Variants in GATB observed in about 807,000 individuals in gnomAD.
GATB encodes the protein glutamyl-tRNA(Gln) amidotransferase subunit B, mitochondrial.
In GATB, 39 loss-of-function variants were observed where a neutral mutation model predicts 62.3. That is an observed-to-expected ratio of 0.63 (90% CI 0.48 to 0.82). GATB has a LOEUF of 0.82. GATB is among the 40% of genes least tolerant of loss of function. The pLI, the probability that GATB is intolerant of heterozygous loss-of-function variation, is 0.00. For missense variants in GATB, 670 were observed against 684.0 expected (o/e 0.98, Z 0.23); for synonymous variants, 276 against 258.9 (o/e 1.07, Z -0.63).
intron 2 of GATB, among the ~76,000 whole-genome samples, chr4:151,744,070 A>G (rs944556417): frequency 2.0e-5 from 3 of 152,226 alleles, no homozygotes; most frequent in African/African-American, 7.2e-5. Context: ...ACACACCTCA[A>G]TAGACCTTGA....
intron 2 of GATB, chr4:151,721,165 G>A (rs1739023908): frequency 6.6e-6 from 1 of 152,256 alleles, no homozygotes; most frequent in Non-Finnish European, 1.5e-5. Context: ...TTGAACCCGG[G>A]AGGTGGAGGT....
chr4:151,751,549 A>G (rs1362242629), intron 2 of GATB, among the ~76,000 whole-genome samples: 4 of 152,254 alleles, frequency 2.6e-5, no homozygotes. Flanking sequence ...TACTTAGGTT[A>G]CTTTTTTCTT....
intron 1 of GATB, among the ~76,000 whole-genome samples, chr4:151,759,281 T>A (rs72962977): frequency 0.014 from 2,081 of 152,282 alleles, 53 homozygotes; most frequent in African/African-American, 0.048. Context: ...TTTAACAAAT[T>A]AACTGTAACT....
chr4:151,726,127 A>G (rs535739771), intron 2 of GATB, among the ~76,000 whole-genome samples: 1 of 152,382 alleles, frequency 6.6e-6, no homozygotes, highest in South Asian at 2.1e-4. Flanking sequence ...AGCATGGTAA[A>G]TGCTTTAATT....
intron 2 of GATB, among the ~76,000 whole-genome samples, chr4:151,726,386 G>C (rs1424453367): frequency 6.6e-6 from 1 of 152,126 alleles, no homozygotes; most frequent in Non-Finnish European, 1.5e-5. Flanking sequence ...AACCTCTTGT[G>C]CTATAATAAT....
At chr4:151,688,193 C>A (rs1738290694) in intron 10 of GATB, among the ~76,000 whole-genome samples, 1 of 152,122 alleles carries the variant, frequency 6.6e-6, no homozygotes, top group Admixed American at 6.5e-5. Context: ...TCCCCTAATG[C>A]TTCAGGGCAT....
chr4:151,723,765 T>C (rs567424260), intron 2 of GATB: 1 of 152,322 alleles, frequency 6.6e-6, no homozygotes, highest in Non-Finnish European at 1.5e-5. Context: ...ACCCATACAA[T>C]GATTTATCAA....
chr4:151,716,411 T>C (rs955655030), intron 4 of GATB, among the ~76,000 whole-genome samples: 35 of 151,486 alleles, frequency 2.3e-4, no homozygotes, highest in African/African-American at 8.2e-4. Context: ...GCCTCCTGAA[T>C]AGCTGGGGAT....
At chr4:151,715,977 G>A in intron 5 of GATB, 32 bp downstream of exon 5, 1 of 1,606,556 alleles carries the variant, frequency 6.2e-7, no homozygotes, top group South Asian at 1.1e-5. Flanking sequence ...GAAGGGAGAG[G>A]GAAAGAAGAA....
At chr4:151,688,067 T>C (rs1289600833) in intron 10 of GATB, among the ~76,000 whole-genome samples, 1 of 152,218 alleles carries the variant, frequency 6.6e-6, no homozygotes, top group East Asian at 1.9e-4. Flanking sequence ...CATTCCCACC[T>C]GCCTGCCTCC....
chr4:151,695,909 C>A (rs967912743), intron 9 of GATB, among the ~76,000 whole-genome samples: 1 of 151,838 alleles, frequency 6.6e-6, no homozygotes, highest in Non-Finnish European at 1.5e-5. Context: ...AGGTGTGTGC[C>A]ACCATGCCCG....
chr4:151,745,391 T>C (rs1004838489), intron 2 of GATB, among the ~76,000 whole-genome samples: 2 of 152,222 alleles, frequency 1.3e-5, no homozygotes, highest in Non-Finnish European at 2.9e-5. Context: ...GGTTTCTAAA[T>C]CTAGCAGGTT....
chr4:151,749,592 CA>C (rs1215157838), intron 2 of GATB, among the ~76,000 whole-genome samples: 1 of 151,794 alleles, frequency 6.6e-6, no homozygotes, highest in Non-Finnish European at 1.5e-5. Flanking sequence ...ACATATGTAA[CA>C]AACCTGCACG....
At chr4:151,732,142 T>TG (rs1244203841) in intron 2 of GATB, among the ~76,000 whole-genome samples, 4 of 148,778 alleles carry the variant, frequency 2.7e-5, no homozygotes, top group African/African-American at 7.4e-5. Flanking sequence ...GTCCAGGAGG[T>TG]GGGGGGCGCC....
rs200315247 is a variant in GATB, at chr4:151,672,744, C to G, written c.1545+18G>C. The G allele has an allele frequency of 2.0e-5, 33 of 1,612,368 alleles. No homozygotes were observed. In the Admixed American group the frequency reaches 4.0e-4, roughly 20 times the overall value. On this transcript the variant is annotated intron_variant, in intron 12 of 12. Coordinates refer to ENST00000263985, the MANE Select transcript of GATB (RefSeq NM_004564.3). ...CCTGGGGCTGGCTCTGGCCCTCTCC[C>G]CTGCCCGAGATAGTCACCACTTGAG...
Position 151,730,281 on chromosome 4 carries a change from G to T in GATB, c.328-10743C>A, listed in dbSNP as rs565440448. ...AGCAGCCGCAGCAAGACCCGCCCAA[G>T]GAGAGTCTGAGCTCAGACATGCCTA... On this transcript the variant is annotated intron_variant, in intron 2 of 12. Coordinates refer to ENST00000263985, the MANE Select transcript of GATB (RefSeq NM_004564.3). This position sits in a 1 kb window ranked among gnomAD's most constrained non-coding sequence, Gnocchi z 4.1. Among the ~76,000 whole-genome samples the T allele has an allele frequency of 6.6e-6, 1 of 152,306 alleles. No homozygotes were observed. Among genetic ancestry groups the T allele is most frequent in the African/African-American group, 2.4e-5 (1 of 41,564 alleles).
chr4:151,702,152 A>G (rs1218680925), intron 8 of GATB, among the ~76,000 whole-genome samples: 1 of 152,250 alleles, frequency 6.6e-6, no homozygotes, highest in Non-Finnish European at 1.5e-5. Context: ...CTATGTCTTC[A>G]TAAAGACACA....
chr4:151,679,286 T>C (rs1208695026), intron 11 of GATB, among the ~76,000 whole-genome samples: 1 of 152,224 alleles, frequency 6.6e-6, no homozygotes, highest in Non-Finnish European at 1.5e-5. Context: ...AAAAGGCTGC[T>C]TAGGATGATG....
chr4:151,726,853 G>A (rs1215649719), intron 2 of GATB, among the ~76,000 whole-genome samples: 1 of 152,170 alleles, frequency 6.6e-6, no homozygotes, highest in African/African-American at 2.4e-5. Context: ...AGCAAGCTCA[G>A]GAGGCCACGG....
Sources: gnomAD v4.1 joint callset for allele counts (sites outside exome capture counted in the v4.1 genomes callset) on GRCh38, gnomAD v4.1.1 for gene constraint, Gnocchi (gnomAD v3.1) non-coding constraint, MANE v1.5 for transcripts, NCBI Gene and HGNC (gene_info 2026-07-23, HGNC 2026-07-21) for gene names.